Variants in MYRFL observed in about 807,000 individuals in gnomAD.
MYRFL encodes the protein myelin regulatory factor-like protein.
MYRFL carries 88 observed loss-of-function variants against 109.4 expected under a neutral mutation model. The observed-to-expected ratio is 0.80, with a 90% CI of 0.68 to 0.96. The LOEUF (loss-of-function observed/expected upper bound fraction) is 0.96. Ranked by LOEUF, MYRFL falls within the 40% of genes least tolerant of loss-of-function variation. The pLI, the probability that MYRFL is intolerant of heterozygous loss-of-function variation, is 0.00. For missense variants in MYRFL, 957 were observed against 954.9 expected (o/e 1.00, Z -0.03); for synonymous variants, 324 against 320.9 (o/e 1.01, Z -0.10).
intron 2 of MYRFL, among the ~76,000 whole-genome samples, chr12:69,870,099 C>CTTTTTTTTTTTTTTTTT (rs754843682): frequency 3.7e-5 from 3 of 81,330 alleles, no homozygotes; most frequent in African/African-American, 1.5e-4. Context: ...ATTTTTCTTC[C>CTTTTTTTTTTTTTTTTT]TTTTTTTTTT....
intron 21 of MYRFL, 119 bp from the exon 22 acceptor site, chr12:69,955,244 A>G (rs1402278104): frequency 5.2e-6 from 2 of 387,596 alleles, no homozygotes; most frequent in East Asian, 3.8e-5. Context: ...AGTTTTCCAT[A>G]TTTATTATTT....
rs934306771 is a variant in MYRFL, at chr12:69,936,554, C to T, written c.2146C>T (p.Arg716Trp). 1.3e-5 allele frequency: 20 copies of T among 1,535,952 alleles called. 1 individual carries two copies. The Middle Eastern group carries it at 6.7e-4, about 51-fold the overall frequency. The change falls in exon 19 of 25, where the codon CGG becomes TGG. Residue 716 changes from arginine (R) to tryptophan (W), a missense_variant. Transcript: ENST00000552032. ...PCQETYCCPI[R>W]GMKEVSSSPV... Reference sequence around the variant, plus strand: ...TCAGGAGACTTATTGCTGCCCCATCCGGGGAATGAAAGAAGTCTCTTCAAG... The same window carrying T: ...TCAGGAGACTTATTGCTGCCCCATCTGGGGAATGAAAGAAGTCTCTTCAAG...
At chr12:69,937,302 A>G (rs909573488) in intron 19 of MYRFL, among the ~76,000 whole-genome samples, 3 of 152,046 alleles carry the variant, frequency 2.0e-5, no homozygotes, top group African/African-American at 7.2e-5. Flanking sequence ...CTATATATAC[A>G]TATTAATAAA....
intron 13 of MYRFL, among the ~76,000 whole-genome samples, chr12:69,919,739 G>A (rs562316613): frequency 1.1e-4 from 16 of 152,220 alleles, no homozygotes; most frequent in South Asian, 4.1e-4. Flanking sequence ...TTTTTCTCCC[G>A]TTGGCAATCA....
intron 10 of MYRFL, among the ~76,000 whole-genome samples, chr12:69,902,922 T>C (rs200395896): frequency 1.9e-3 from 293 of 152,394 alleles, no homozygotes; most frequent in African/African-American, 6.5e-3. Context: ...CATTATTTAA[T>C]AATCAGAGGA....
chr12:69,932,881 GTT>G (rs1566035662), intron 16 of MYRFL, among the ~76,000 whole-genome samples: 2 of 146,184 alleles, frequency 1.4e-5, no homozygotes, highest in Admixed American at 6.9e-5. Context: ...GTGTGTGTGT[GTT>G]TGTGTGTGTG....
intron 1 of MYRFL, among the ~76,000 whole-genome samples, chr12:69,836,838 T>G (rs1882972932): frequency 6.6e-6 from 1 of 152,206 alleles, no homozygotes; most frequent in South Asian, 2.1e-4. Flanking sequence ...TGTCCTCCCC[T>G]TTGCTGGCTT....
At chr12:69,947,708 C>G (rs1303621545) in intron 19 of MYRFL, among the ~76,000 whole-genome samples, 1 of 152,012 alleles carries the variant, frequency 6.6e-6, no homozygotes, top group Non-Finnish European at 1.5e-5. Flanking sequence ...TTTTGGAGAC[C>G]ATGACTCTGA....
intron 19 of MYRFL, among the ~76,000 whole-genome samples, chr12:69,943,852 C>T (rs1451765182): frequency 3.9e-5 from 6 of 151,914 alleles, no homozygotes; most frequent in Admixed American, 1.3e-4. Context: ...AAACAAACAG[C>T]CCCATCAAAA....
intron 13 of MYRFL, among the ~76,000 whole-genome samples, chr12:69,922,310 T>C (rs1270529315): frequency 6.6e-6 from 1 of 152,194 alleles, no homozygotes; most frequent in Non-Finnish European, 1.5e-5. Context: ...TAAAATGCTG[T>C]TTCTATCTTC....
intron 13 of MYRFL, among the ~76,000 whole-genome samples, chr12:69,914,377 A>G (rs1954667753): frequency 6.6e-6 from 1 of 152,144 alleles, no homozygotes; most frequent in Non-Finnish European, 1.5e-5. Flanking sequence ...AAACACAGCT[A>G]TTAGTCCCAG....
intron 5 of MYRFL, among the ~76,000 whole-genome samples, chr12:69,883,538 A>G (rs993140327): frequency 6.6e-6 from 1 of 152,090 alleles, no homozygotes; most frequent in African/African-American, 2.4e-5. Context: ...AACACTAATG[A>G]ATGAATCCCA....
intron 5 of MYRFL, among the ~76,000 whole-genome samples, chr12:69,885,448 T>G (rs1490244412): frequency 6.6e-6 from 1 of 152,188 alleles, no homozygotes; most frequent in Non-Finnish European, 1.5e-5. Context: ...TCCTTTCTCC[T>G]GCATTCTCCA....
intron 22 of MYRFL, among the ~76,000 whole-genome samples, chr12:69,956,576 T>C (rs1956101320): frequency 6.6e-6 from 1 of 151,818 alleles, no homozygotes; most frequent in Non-Finnish European, 1.5e-5. Context: ...CTTCCTTTTC[T>C]ATCACTCTTT....
intron 1 of MYRFL, among the ~76,000 whole-genome samples, chr12:69,844,253 A>C (rs12317927): frequency 0.012 from 1,890 of 152,314 alleles, 42 homozygotes; most frequent in African/African-American, 0.042. Flanking sequence ...CACATCAGGC[A>C]GGTCCTAGAG....
At chr12:69,929,679 A>G (rs1955212339) in intron 15 of MYRFL, among the ~76,000 whole-genome samples, 1 of 152,218 alleles carries the variant, frequency 6.6e-6, no homozygotes, top group Non-Finnish European at 1.5e-5. Context: ...ACAGATAGTA[A>G]AAAGGAGGCA....
intron 5 of MYRFL, among the ~76,000 whole-genome samples, chr12:69,880,951 G>GTTTTTTTTTTTTTTTTTTTT (rs71094746): frequency 1.5e-4 from 17 of 112,618 alleles, no homozygotes; most frequent in Non-Finnish European, 2.0e-4. Context: ...CAGCCTTCCT[G>GTTTTTTTTTTTTTTTTTTTT]TTTTTTTTTT....
chr12:69,932,382 G>A (rs1231846020), intron 15 of MYRFL, 131 bp from the exon 16 acceptor site: 3 of 604,810 alleles, frequency 5.0e-6, no homozygotes, highest in South Asian at 2.1e-5. Flanking sequence ...GGAAAGAGAT[G>A]TAAATTGAGG....
intron 22 of MYRFL, 84 bp downstream of exon 22, chr12:69,955,521 C>T (rs78304610): frequency 8.3e-4 from 438 of 528,498 alleles, no homozygotes; most frequent in African/African-American, 8.1e-3. Context: ...TTTGGTCAGT[C>T]GTTAAGAGGC....
Sources: gnomAD v4.1 joint callset for allele counts (sites outside exome capture counted in the v4.1 genomes callset) on GRCh38, gnomAD v4.1.1 for gene constraint, MANE v1.5 for transcripts, NCBI Gene and HGNC (gene_info 2026-07-23, HGNC 2026-07-21) for gene names.